Variants in ADK observed in about 807,000 individuals in gnomAD.
ADK encodes adenosine kinase.
In ADK, 24 loss-of-function variants were observed where a neutral mutation model predicts 44.7. The ratio of observed to expected loss-of-function variants is 0.54; its 90% confidence interval spans 0.39 to 0.76. The LOEUF (loss-of-function observed/expected upper bound fraction) is 0.76. ADK is among the 30% of genes least tolerant of loss of function. The pLI is 0.00. For missense variants in ADK, 321 were observed against 425.1 expected (o/e 0.76, Z 2.15); for synonymous variants, 128 against 142.6 (o/e 0.90, Z 0.73).
At chr10:74,698,678 G>C (rs533845054) in intron 10 of ADK, among the ~76,000 whole-genome samples, 34 of 151,954 alleles carry the variant, frequency 2.2e-4, no homozygotes, top group African/African-American at 8.2e-4. Flanking sequence ...TCAGCCTCCT[G>C]AGTAAGTAGC....
At chr10:74,660,633 G>A (rs758800869) in intron 9 of ADK, among the ~76,000 whole-genome samples, 2 of 148,866 alleles carry the variant, frequency 1.3e-5, no homozygotes, top group Non-Finnish European at 3.0e-5. Flanking sequence ...GGGAGTCTGA[G>A]ATAGGAGGAT....
chr10:74,672,890 G>A (rs184115208), intron 10 of ADK, among the ~76,000 whole-genome samples: 1 of 152,308 alleles, frequency 6.6e-6, no homozygotes, highest in African/African-American at 2.4e-5. Context: ...TGTGCCCATA[G>A]TCTCATGGCT....
intron 1 of ADK, among the ~76,000 whole-genome samples, chr10:74,186,553 C>G (rs974338435): frequency 3.9e-5 from 6 of 151,912 alleles, no homozygotes; most frequent in Admixed American, 3.9e-4. Flanking sequence ...ATCCACCCAC[C>G]TCGGCCTTCC....
chr10:74,166,676 G>T, intron 1 of ADK, among the ~76,000 whole-genome samples: 1 of 118,016 alleles, frequency 8.5e-6, no homozygotes. Flanking sequence ...GACAAAGTGA[G>T]ACTCCGTCTC....
At chr10:74,467,265 C>T (rs1018021429) in intron 6 of ADK, among the ~76,000 whole-genome samples, 2 of 152,048 alleles carry the variant, frequency 1.3e-5, no homozygotes, top group Non-Finnish European at 2.9e-5. Flanking sequence ...CATTTTAACA[C>T]GTTGTTACTG....
chr10:74,404,164 A>AC (rs1843822941), intron 6 of ADK, among the ~76,000 whole-genome samples: 1 of 133,582 alleles, frequency 7.5e-6, no homozygotes, highest in African/African-American at 2.7e-5. Flanking sequence ...GAGCCACCAC[A>AC]CCCAGCCTAA....
intron 1 of ADK, among the ~76,000 whole-genome samples, chr10:74,185,864 A>G (rs1339041444): frequency 6.7e-6 from 1 of 149,564 alleles, no homozygotes; most frequent in East Asian, 2.0e-4. Flanking sequence ...AAAAAAAAAA[A>G]AGAAACAGAT....
chr10:74,538,387 A>G (rs1305045212), intron 7 of ADK, among the ~76,000 whole-genome samples: 1 of 152,254 alleles, frequency 6.6e-6, no homozygotes, highest in Non-Finnish European at 1.5e-5. Context: ...ATATATTAAA[A>G]ATCTCTAATA....
At chr10:74,484,685 T>G (rs1483682313) in intron 6 of ADK, among the ~76,000 whole-genome samples, 1 of 152,156 alleles carries the variant, frequency 6.6e-6, no homozygotes, top group African/African-American at 2.4e-5. Context: ...CTACCATATA[T>G]CTGAACATTC....
At chr10:74,656,013 G>A in intron 9 of ADK, 1 of 625,748 alleles carries the variant, frequency 1.6e-6, no homozygotes, top group South Asian at 1.7e-5. Context: ...TTTCCTGCAG[G>A]AGCTGGTGTC....
At chr10:74,279,794 A>G (rs1444529901) in intron 3 of ADK, among the ~76,000 whole-genome samples, 2 of 151,864 alleles carry the variant, frequency 1.3e-5, no homozygotes, top group African/African-American at 4.8e-5. Context: ...GCAAGTTGGG[A>G]GGCTGAGGCA....
At chr10:74,443,357 T>C (rs1324675610) in intron 6 of ADK, among the ~76,000 whole-genome samples, 1 of 152,152 alleles carries the variant, frequency 6.6e-6, no homozygotes, top group African/African-American at 2.4e-5. Flanking sequence ...GAAATATTAT[T>C]TAGTAATAAG....
chr10:74,632,780 TAGAGA>T (rs1704346872), intron 9 of ADK, among the ~76,000 whole-genome samples: 1 of 152,210 alleles, frequency 6.6e-6, no homozygotes, highest in South Asian at 2.1e-4. Flanking sequence ...TTTCTACATA[TAGAGA>T]TACAACATTT....
chr10:74,677,311 A>T (rs1046684417), intron 10 of ADK, among the ~76,000 whole-genome samples: 2 of 152,264 alleles, frequency 1.3e-5, no homozygotes, highest in African/African-American at 4.8e-5. Context: ...TTTACAAAAA[A>T]TTTTTAAAGA....
chr10:74,460,197 T>C (rs1248244749), intron 6 of ADK, among the ~76,000 whole-genome samples: 1 of 152,186 alleles, frequency 6.6e-6, no homozygotes, highest in Non-Finnish European at 1.5e-5. Flanking sequence ...AATAGTACCC[T>C]AGATAGGTAA....
In ADK at chr10:74,347,814, G is replaced by A. The variant is rs547959782; in HGVS notation, c.273+33069G>A. 5.3e-5 allele frequency among the ~76,000 whole-genome samples: 8 copies of A among 152,278 alleles called. No homozygotes were observed. In the South Asian group the frequency reaches 1.7e-3, roughly 32 times the overall value. On this transcript the variant is annotated intron_variant, in intron 4 of 10. Coordinates refer to ENST00000539909, the MANE Select transcript of ADK (RefSeq NM_006721.4). ...AAGGTGGCGGGGAGGTTTGAACCAG[G>A]TGGAATTCACCACAGTGCAGCAAAG...
intron 9 of ADK, among the ~76,000 whole-genome samples, chr10:74,629,966 T>G (rs1306597952): frequency 6.6e-6 from 1 of 152,184 alleles, no homozygotes; most frequent in Non-Finnish European, 1.5e-5. Context: ...TGCATATCCT[T>G]TGACTCAGTA....
chr10:74,514,950 A>G (rs1030385193), intron 6 of ADK, among the ~76,000 whole-genome samples: 19 of 151,978 alleles, frequency 1.3e-4, no homozygotes, highest in Admixed American at 1.2e-3. Flanking sequence ...TCAACTCCCC[A>G]AGTAGCTGGA....
At chr10:74,636,197 G>C (rs570070127) in intron 9 of ADK, among the ~76,000 whole-genome samples, 1 of 152,102 alleles carries the variant, frequency 6.6e-6, no homozygotes, top group African/African-American at 2.4e-5. Context: ...AAATGTTCCA[G>C]AAAATGTAAG....
Sources: gnomAD v4.1 joint callset for allele counts (sites outside exome capture counted in the v4.1 genomes callset) on GRCh38, gnomAD v4.1.1 for gene constraint, MANE v1.5 for transcripts, NCBI Gene and HGNC (gene_info 2026-07-23, HGNC 2026-07-21) for gene names.